The following ABRAXAS1 variants were observed in gnomAD, a reference collection of about 807,000 sequenced individuals.
ABRAXAS1 encodes BRCA1-A complex subunit Abraxas 1.
A neutral mutation model predicts 38.4 loss-of-function variants in ABRAXAS1; 26 were observed. The ratio of observed to expected loss-of-function variants is 0.68; its 90% CI spans 0.50 to 0.94. The LOEUF is 0.94. ABRAXAS1 is among the 40% of genes least tolerant of loss of function. The pLI is 0.00. For synonymous variants in ABRAXAS1, 144 were observed against 165.5 expected (o/e 0.87, Z 1.00); for missense variants, 438 against 481.9 (o/e 0.91, Z 0.85).
intron 3 of ABRAXAS1, among the ~76,000 whole-genome samples, chr4:83,475,709 T>C (rs529461906): frequency 2.6e-5 from 4 of 152,330 alleles, no homozygotes; most frequent in African/African-American, 7.2e-5. Flanking sequence ...AACTATTTCA[T>C]TAAAATTACA....
At chr4:83,477,957 AG>A in intron 2 of ABRAXAS1, 1 of 893,486 alleles carries the variant, frequency 1.1e-6, no homozygotes, top group Non-Finnish European at 1.9e-6. Flanking sequence ...ATTCGAATGC[AG>A]GCTCAAGGAA....
Position 83,461,176 on chromosome 4 carries a change from T to C in ABRAXAS1, c.*1293A>G. The C allele has an allele frequency of 6.2e-7, 1 of 1,612,418 alleles. No homozygotes were observed. Among genetic ancestry groups the C allele is most frequent in the Non-Finnish European group, 8.5e-7 (1 of 1,179,530 alleles). On this transcript the variant is annotated 3_prime_UTR_variant, in exon 9 of 9. Transcript: ENST00000321945. ...CATATCTCAAGGACCCTAAAGTTTG[T>C]AACATCAGATATCGGGAATAAATTC...
rs1241012375 is a variant in ABRAXAS1 at position 83,473,200 on chromosome 4, A to G, written c.216-912T>C. Among the ~76,000 whole-genome samples, 6 of 152,256 alleles carry G rather than the reference A, an allele frequency of 3.9e-5. 1 individual carries two copies. Among genetic ancestry groups the G allele is most frequent in the Admixed American group, 6.5e-5 (1 of 15,284 alleles). ...GAGAGCGAGGTGGGAGGATCACTTGAGCCTGGGAGGCAGAATTTGCAGTGA... is the reference window on the plus strand; with the variant it reads ...GAGAGCGAGGTGGGAGGATCACTTGGGCCTGGGAGGCAGAATTTGCAGTGA... On this transcript the variant is annotated intron_variant, in intron 3 of 8. Coordinates refer to ENST00000321945, the MANE Select transcript of ABRAXAS1 (RefSeq NM_139076.3).
chr4:83,467,492 T>A lies in ABRAXAS1; in HGVS notation c.643A>T (p.Ile215Leu), dbSNP rs1578126311. The A allele has an allele frequency of 6.4e-7, 1 of 1,567,588 alleles. No individual in the cohort carries two copies. The highest frequency in any genetic ancestry group is 2.2e-5 in the East Asian group (1 of 44,474). Residue 215 changes from isoleucine to leucine, a missense_variant, in exon 7 of 9, where the codon ATA becomes TTA. Coordinates refer to ENST00000321945, the MANE Select transcript of ABRAXAS1 (RefSeq NM_139076.3). ...EDGSLKEVHK[I>L]NEMYASLQEE... ...TGTAATGAAGCATACATTTCATTTA[T>A]CTTATGTACCTCCTTTAAGGATCCA...
chr4:83,465,971 T>C (rs375608464), intron 7 of ABRAXAS1, among the ~76,000 whole-genome samples: 4 of 152,290 alleles, frequency 2.6e-5, no homozygotes, highest in Middle Eastern at 3.4e-3. Context: ...GGGGGAAGCA[T>C]AGTTGACTTA....
At chr4:83,478,323 T>C (rs1419623858) in intron 2 of ABRAXAS1, 1 of 619,558 alleles carries the variant, frequency 1.6e-6, no homozygotes, top group Non-Finnish European at 3.2e-6. Context: ...CATGAGGGCT[T>C]TTTTGTATTC....
Position 83,459,907 on chromosome 4 carries a change from G to C in ABRAXAS1, c.*2562C>G. ...CAAATTGTGCTATAAATTACTACTA[G>C]ATCAGATACTACAGGGACTAGAGCT... On this transcript the variant is annotated 3_prime_UTR_variant, in exon 9 of 9. Transcript: ENST00000321945. The C allele has an allele frequency of 4.6e-6, 4 of 867,124 alleles. No homozygotes were observed. Among genetic ancestry groups the C allele is most frequent in the Non-Finnish European group, 7.2e-6 (4 of 555,216 alleles). The allele number at this position is 867,124 out of a possible 1,614,324, so 53.7% of individuals were successfully genotyped here.
intron 2 of ABRAXAS1, chr4:83,478,026 C>A: frequency 1.0e-6 from 1 of 984,500 alleles, no homozygotes. Flanking sequence ...CAGGAAGGCA[C>A]CAGGGGTCTG....
chr4:83,467,929 A>G (rs187381459), intron 6 of ABRAXAS1, among the ~76,000 whole-genome samples: 5 of 152,328 alleles, frequency 3.3e-5, no homozygotes, highest in Admixed American at 2.6e-4. Context: ...TCATTATTTT[A>G]TGATCCATAA....
intron 2 of ABRAXAS1, among the ~76,000 whole-genome samples, chr4:83,477,366 A>G (rs1265271931): frequency 6.6e-6 from 1 of 152,130 alleles, no homozygotes; most frequent in African/African-American, 2.4e-5. Context: ...TTGTATTGCT[A>G]TAAAGGGCTT....
intron 8 of ABRAXAS1, among the ~76,000 whole-genome samples, chr4:83,463,120 G>C (rs1463994998): frequency 1.3e-5 from 2 of 152,168 alleles, no homozygotes; most frequent in African/African-American, 4.8e-5. Context: ...AGCTACCATA[G>C]TATTATGTTC....
At position 83,484,968 on chromosome 4, in the gene ABRAXAS1, C is replaced by A; in HGVS notation, c.87+18G>T. Reference sequence around the variant, plus strand: ...TCTTCCCAGGCGACGCCGGACCCCGCCCCGTCCCTCGGCTCACCGTGTCCG... The same window carrying A: ...TCTTCCCAGGCGACGCCGGACCCCGACCCGTCCCTCGGCTCACCGTGTCCG... On this transcript the variant is annotated intron_variant, in intron 1 of 8. Coordinates refer to ENST00000321945, the MANE Select transcript of ABRAXAS1 (RefSeq NM_139076.3). The A allele has an allele frequency of 6.4e-7, 1 of 1,562,350 alleles. No homozygotes were observed. Among genetic ancestry groups the A allele is most frequent in the East Asian group, 2.5e-5 (1 of 40,602 alleles).
chr4:83,461,210 T>C lies in ABRAXAS1; in HGVS notation c.*1259A>G, dbSNP rs1364209110. 2 of 1,607,060 alleles carry C rather than the reference T, an allele frequency of 1.2e-6. No individual in the cohort carries two copies. Among genetic ancestry groups the C allele is most frequent in the Non-Finnish European group, 1.7e-6 (2 of 1,175,424 alleles). On this transcript the variant is annotated 3_prime_UTR_variant, in exon 9 of 9. Transcript: ENST00000321945. ...ATATCGGGAATAAATTCTATCACGT[T>C]ACCACTAATAAACTTATTTTACAGT... is the stretch of plus-strand genomic sequence containing the variant.
At chr4:83,474,989 C>T (rs1213958723) in intron 3 of ABRAXAS1, among the ~76,000 whole-genome samples, 1 of 152,186 alleles carries the variant, frequency 6.6e-6, no homozygotes, top group African/African-American at 2.4e-5. Flanking sequence ...AGGTATTTCA[C>T]ATGTCTCTCC....
chr4:83,474,311 G>T (rs186631461), intron 3 of ABRAXAS1, among the ~76,000 whole-genome samples: 29 of 152,192 alleles, frequency 1.9e-4, no homozygotes, highest in Non-Finnish European at 3.4e-4. Flanking sequence ...TTAGTGCAGG[G>T]TTAACAAACT....
intron 4 of ABRAXAS1, among the ~76,000 whole-genome samples, chr4:83,471,191 C>CTTT (rs869128932): frequency 0.012 from 678 of 58,068 alleles, 33 homozygotes; most frequent in Non-Finnish European, 0.019. Context: ...AAAGAAACAT[C>CTTT]TTTTTTTTTT....
chr4:83,471,409 C>T (rs921936619), intron 4 of ABRAXAS1, among the ~76,000 whole-genome samples: 10 of 151,670 alleles, frequency 6.6e-5, no homozygotes, highest in African/African-American at 2.2e-4. Flanking sequence ...GGGGTTTCAC[C>T]GTGTTGGTCA....
In ABRAXAS1 at chr4:83,460,865, C is replaced by G; in HGVS notation, c.*1604G>C. 1 of 891,934 alleles carries G rather than the reference C, an allele frequency of 1.1e-6. No individual in the cohort carries two copies. Among genetic ancestry groups the G allele is most frequent in the Non-Finnish European group, 1.8e-6 (1 of 563,916 alleles). The allele number at this position is 891,934 out of a possible 1,614,324, so 55.3% of individuals were successfully genotyped here. A position where few individuals can be genotyped will look rare whatever the true frequency, so the allele number is the denominator to read the frequency against. On this transcript the variant is annotated 3_prime_UTR_variant, in exon 9 of 9. Coordinates refer to ENST00000321945, the MANE Select transcript of ABRAXAS1 (RefSeq NM_139076.3). ...AGGTTGCAGTGAGGCGAGAGAGCAC[C>G]ACTGTACTCCAGCCTGGGTGACACA...
chr4:83,465,299 C>CAAAAAAAAAAAAAAAAAA (rs35072866), intron 7 of ABRAXAS1, among the ~76,000 whole-genome samples: 46 of 88,198 alleles, frequency 5.2e-4, no homozygotes, highest in African/African-American at 1.7e-3. Flanking sequence ...GACTCTGTCT[C>CAAAAAAAAAAAAAAAAAA]AAAAAAAAAA....
Sources: gnomAD v4.1 joint callset for allele counts (sites outside exome capture counted in the v4.1 genomes callset) on GRCh38, gnomAD v4.1.1 for gene constraint, MANE v1.5 for transcripts, NCBI Gene and HGNC (gene_info 2026-07-23, HGNC 2026-07-21) for gene names.